Variants in CADM1 observed in about 807,000 individuals in gnomAD.
The protein encoded by CADM1 is cell adhesion molecule 1.
Under a neutral mutation model 53.1 loss-of-function variants are expected in CADM1, and 15 were observed. The ratio of observed to expected loss-of-function variants is 0.28; its 90% CI spans 0.19 to 0.44. The LOEUF (loss-of-function observed/expected upper bound fraction) is 0.44, where lower values mean the gene tolerates loss of function less well. Ranked by LOEUF, CADM1 falls within the 20% of genes least tolerant of loss-of-function variation. The pLI, the probability that CADM1 is intolerant of heterozygous loss-of-function variation, is 1.00. For synonymous variants in CADM1, 281 were observed against 243.0 expected (o/e 1.16, Z -1.45); for missense variants, 434 against 611.3 (o/e 0.71, Z 3.06).
chr11:115,186,253 C>G lies in CADM1; in HGVS notation c.1165+4635G>C, dbSNP rs1288539731. ...ACTTAGGGTCACCTCCCAGGGGAAA[C>G]TGATCCCATAATTTAGGGGAATCAG... On this transcript the variant is annotated intron_variant, in intron 10 of 11. Transcript: ENST00000331581. 2.0e-5 allele frequency among the ~76,000 whole-genome samples: 3 copies of G among 152,196 alleles called. No homozygotes were observed. The East Asian group carries it at 5.8e-4, about 29-fold the overall frequency.
chr11:115,308,211 T>C (rs76599146), intron 1 of CADM1, among the ~76,000 whole-genome samples: 48 of 139,390 alleles, frequency 3.4e-4, no homozygotes, highest in African/African-American at 9.2e-4. Flanking sequence ...TATATATATA[T>C]ACACACCTAT....
chr11:115,253,054 T>C (rs1380698195), intron 1 of CADM1, among the ~76,000 whole-genome samples: 1 of 152,094 alleles, frequency 6.6e-6, no homozygotes, highest in Non-Finnish European at 1.5e-5. Context: ...ACACATAAAA[T>C]ACACTAACAC....
intron 5 of CADM1, among the ~76,000 whole-genome samples, chr11:115,226,906 T>C (rs1665030877): frequency 2.0e-5 from 3 of 152,214 alleles, no homozygotes; most frequent in Admixed American, 2.0e-4. Flanking sequence ...TCAATAGTGC[T>C]CTAGGAGTGG....
At chr11:115,493,413 G>C (rs2135431817) in intron 1 of CADM1, among the ~76,000 whole-genome samples, 1 of 152,146 alleles carries the variant, frequency 6.6e-6, no homozygotes, top group East Asian at 1.9e-4. Flanking sequence ...ATTTGATTCA[G>C]ACAAGGTTTA....
chr11:115,178,500 TCTC>T, intron 11 of CADM1, 141 bp downstream of exon 11: 16 of 785,560 alleles, frequency 2.0e-5, no homozygotes, highest in South Asian at 7.5e-5. Flanking sequence ...TTTTTTTTTT[TCTC>T]TTCTCTCTCT....
At chr11:115,330,328 C>T (rs963991951) in intron 1 of CADM1, among the ~76,000 whole-genome samples, 2 of 152,082 alleles carry the variant, frequency 1.3e-5, no homozygotes, top group African/African-American at 4.8e-5. Flanking sequence ...TTACAAAGCA[C>T]AGCTTTTATA....
At chr11:115,256,728 T>A (rs1435869236) in intron 1 of CADM1, 9 of 447,356 alleles carry the variant, frequency 2.0e-5, no homozygotes, top group Non-Finnish European at 3.2e-5. Context: ...ATGTTCTAGT[T>A]CCTATTGTTT....
At chr11:115,489,730 G>A (rs958349130) in intron 1 of CADM1, among the ~76,000 whole-genome samples, 1 of 152,212 alleles carries the variant, frequency 6.6e-6, no homozygotes, top group African/African-American at 2.4e-5. Context: ...GAAGGAGGAA[G>A]ATAAGTTAGG....
At chr11:115,451,372 C>T (rs1408244602) in intron 1 of CADM1, among the ~76,000 whole-genome samples, 2 of 152,088 alleles carry the variant, frequency 1.3e-5, no homozygotes, top group African/African-American at 2.4e-5. Context: ...CAGCACAATC[C>T]CAGGGTTTTA....
chr11:115,407,744 C>T (rs533896053), intron 1 of CADM1, among the ~76,000 whole-genome samples: 3 of 151,400 alleles, frequency 2.0e-5, no homozygotes, highest in Admixed American at 1.3e-4. Flanking sequence ...TGGTGTGTGC[C>T]GTTTGGTCCT....
At position 115,277,613 on chromosome 11, in the gene CADM1, T is replaced by C. The variant is rs368172565; in HGVS notation, c.125-37193A>G. Among the ~76,000 whole-genome samples the C allele has an allele frequency of 9.8e-5, 15 of 152,340 alleles. No individual in the cohort carries two copies. In the East Asian group the frequency reaches 2.3e-3, roughly 24 times the overall value. ...AAGTTCCTGCTCCAAATAGGTTTTA[T>C]ACGCCATCCTCATGCTTGGTTCACA... On this transcript the variant is annotated intron_variant, in intron 1 of 11. Coordinates refer to ENST00000331581, the MANE Select transcript of CADM1 (RefSeq NM_001301043.2).
chr11:115,425,600 C>A (rs1947869898), intron 1 of CADM1, among the ~76,000 whole-genome samples: 2 of 152,214 alleles, frequency 1.3e-5, no homozygotes, highest in Admixed American at 6.5e-5. Flanking sequence ...ACACCTATCA[C>A]TCAAACAGTT....
chr11:115,260,263 T>C (rs1942932028), intron 1 of CADM1, among the ~76,000 whole-genome samples: 1 of 152,200 alleles, frequency 6.6e-6, no homozygotes, highest in African/African-American at 2.4e-5. Flanking sequence ...GATTGACCTC[T>C]CTGGATTAGT....
chr11:115,328,429 T>TG (rs1362075052), intron 1 of CADM1, among the ~76,000 whole-genome samples: 2 of 151,800 alleles, frequency 1.3e-5, no homozygotes, highest in Non-Finnish European at 2.9e-5. Context: ...ATTTTCCAAG[T>TG]GTATAGCTAG....
At chr11:115,382,925 C>G (rs189465384) in intron 1 of CADM1, among the ~76,000 whole-genome samples, 11 of 152,114 alleles carry the variant, frequency 7.2e-5, no homozygotes, top group Admixed American at 4.6e-4. Flanking sequence ...AAATGGGTAG[C>G]AAAATAGGGA....
intron 1 of CADM1, among the ~76,000 whole-genome samples, chr11:115,340,637 TATATATATA>T (rs1565375002): frequency 2.0e-4 from 7 of 34,292 alleles, no homozygotes; most frequent in African/African-American, 7.6e-4. Context: ...TATATATATA[TATATATATA>T]TATATATATA....
chr11:115,474,283 T>C (rs1465200073), intron 1 of CADM1, among the ~76,000 whole-genome samples: 1 of 91,476 alleles, frequency 1.1e-5, no homozygotes, highest in Non-Finnish European at 1.9e-5. Flanking sequence ...AGAGCAAGAC[T>C]CCATCTCAAA....
At chr11:115,205,044 C>A (rs752289596) in intron 8 of CADM1, among the ~76,000 whole-genome samples, 9 of 152,060 alleles carry the variant, frequency 5.9e-5, no homozygotes, top group Admixed American at 1.3e-4. Flanking sequence ...ATGTGTTTCA[C>A]AATTTGGCCC....
chr11:115,213,147 G>C (rs1941032365), intron 7 of CADM1, among the ~76,000 whole-genome samples: 1 of 152,202 alleles, frequency 6.6e-6, no homozygotes, highest in Non-Finnish European at 1.5e-5. Flanking sequence ...CCGGGCAACA[G>C]CAATGTCGGG....
Sources: allele counts gnomAD v4.1 joint callset (sites outside exome capture counted in the v4.1 genomes callset), GRCh38; gene constraint gnomAD v4.1.1; transcripts MANE v1.5; gene names NCBI Gene and HGNC (gene_info 2026-07-23, HGNC 2026-07-21).